TBC1D5: variants seen among roughly 807,000 people sequenced by gnomAD.
TBC1D5 encodes the protein TBC1 domain family member 5, also known as TBC1 domain family, member 5.
A neutral mutation model predicts 100.3 loss-of-function variants in TBC1D5; 75 were observed. That is an observed-to-expected ratio of 0.75 (90% CI 0.62 to 0.91). The LOEUF is 0.91. Ranked by LOEUF, TBC1D5 falls within the 40% of genes least tolerant of loss-of-function variation. TBC1D5 has a pLI of 0.00. For missense variants in TBC1D5, 910 were observed against 942.4 expected (o/e 0.97, Z 0.45); for synonymous variants, 323 against 325.6 (o/e 0.99, Z 0.09).
At chr3:17,584,716 G>T (rs2096721492) in intron 2 of TBC1D5, among the ~76,000 whole-genome samples, 1 of 152,152 alleles carries the variant, frequency 6.6e-6, no homozygotes, top group South Asian at 2.1e-4. Flanking sequence ...GAGTGCAGTG[G>T]CACGATCTCG....
At position 17,547,538 on chromosome 3, in the gene TBC1D5, T is replaced by C. The variant is rs557407250; in HGVS notation, c.-35-38933A>G. Reference sequence around the variant, plus strand: ...AGTCTTAAAATGTAATTTAGCAGAATGTTCCCATTTCTTTCTTTTTCCTAT... The same window carrying C: ...AGTCTTAAAATGTAATTTAGCAGAACGTTCCCATTTCTTTCTTTTTCCTAT... On this transcript the variant is annotated intron_variant, in intron 2 of 21. Transcript: ENST00000253692. Among the ~76,000 whole-genome samples the C allele has an allele frequency of 1.8e-4, 28 of 152,368 alleles. 1 individual carries two copies. Among genetic ancestry groups the C allele is most frequent in the South Asian group, 1.2e-3 (6 of 4,832 alleles).
chr3:17,393,755 G>T (rs527419776), intron 8 of TBC1D5, among the ~76,000 whole-genome samples: 1 of 152,142 alleles, frequency 6.6e-6, no homozygotes, highest in African/African-American at 2.4e-5. Flanking sequence ...TGGTGTTGGG[G>T]AAACTGGCTA....
chr3:17,313,430 C>A (rs1160108043), intron 13 of TBC1D5, among the ~76,000 whole-genome samples: 1 of 152,132 alleles, frequency 6.6e-6, no homozygotes, highest in South Asian at 2.1e-4. Context: ...TGTAAATAGG[C>A]TTTGCTCTAC....
At chr3:17,636,939 G>C (rs1016683863) in intron 1 of TBC1D5, among the ~76,000 whole-genome samples, 3 of 152,118 alleles carry the variant, frequency 2.0e-5, no homozygotes, top group African/African-American at 7.2e-5. Context: ...AAGACAGTAG[G>C]GTTAACTAGA....
At chr3:17,263,509 T>C (rs2078549957) in intron 15 of TBC1D5, among the ~76,000 whole-genome samples, 1 of 152,152 alleles carries the variant, frequency 6.6e-6, no homozygotes, top group Non-Finnish European at 1.5e-5. Flanking sequence ...CTGAAATAAG[T>C]CTTTCACAAG....
chr3:17,401,700 T>C (rs1026567151), intron 8 of TBC1D5, among the ~76,000 whole-genome samples: 4 of 152,102 alleles, frequency 2.6e-5, no homozygotes, highest in Admixed American at 1.3e-4. Flanking sequence ...AGATTAATTA[T>C]AATCCTGCTC....
At chr3:17,659,136 C>A (rs1560397975) in intron 1 of TBC1D5, among the ~76,000 whole-genome samples, 1 of 152,170 alleles carries the variant, frequency 6.6e-6, no homozygotes, top group Non-Finnish European at 1.5e-5. Context: ...ATAATGAGAT[C>A]TACCATTGAG....
At chr3:17,495,087 T>C (rs971073870) in intron 3 of TBC1D5, among the ~76,000 whole-genome samples, 2 of 152,226 alleles carry the variant, frequency 1.3e-5, no homozygotes, top group Non-Finnish European at 2.9e-5. Context: ...CCGTGGGTCA[T>C]GCCAACTGCC....
At chr3:17,583,443 C>T (rs989556847) in intron 2 of TBC1D5, among the ~76,000 whole-genome samples, 20 of 151,642 alleles carry the variant, frequency 1.3e-4, no homozygotes, top group African/African-American at 4.4e-4. Context: ...AAGTGGAACC[C>T]GGCTGGGTGC....
intron 15 of TBC1D5, among the ~76,000 whole-genome samples, chr3:17,261,487 G>T (rs1347033133): frequency 2.6e-5 from 4 of 151,154 alleles, no homozygotes; most frequent in East Asian, 1.9e-4. Flanking sequence ...GGTGGGGTGG[G>T]GGGGGAGACA....
intron 13 of TBC1D5, among the ~76,000 whole-genome samples, chr3:17,365,650 A>G (rs2092068115): frequency 6.6e-6 from 1 of 152,144 alleles, no homozygotes; most frequent in African/African-American, 2.4e-5. Context: ...TAGGCTCTCC[A>G]GGGGCCTTGA....
chr3:17,428,901 G>C (rs1230654879), intron 3 of TBC1D5, among the ~76,000 whole-genome samples: 1 of 151,916 alleles, frequency 6.6e-6, no homozygotes, highest in Non-Finnish European at 1.5e-5. Flanking sequence ...AAGAGAACAG[G>C]CAGAGAGCCG....
chr3:17,391,888 G>A lies in TBC1D5; in HGVS notation c.510-7873C>T, dbSNP rs552252090. Among the ~76,000 whole-genome samples the A allele has an allele frequency of 3.5e-3, 526 of 152,232 alleles. 4 individuals carry two copies. Among genetic ancestry groups the A allele is most frequent in the African/African-American group, 0.012 (498 of 41,542 alleles). ...GAGATATCCAGGCAGAGTACTGAAA[G>A]TATTGTCTGGTTTATTTATGTTACT... On this transcript the variant is annotated intron_variant, in intron 8 of 21. Transcript: ENST00000253692.
intron 3 of TBC1D5, among the ~76,000 whole-genome samples, chr3:17,475,177 C>A (rs1413088507): frequency 6.7e-6 from 1 of 150,262 alleles, no homozygotes; most frequent in Non-Finnish European, 1.5e-5. Flanking sequence ...CTACCTTGCC[C>A]CGCCCCACCC....
At chr3:17,623,110 T>C (rs776737501) in intron 2 of TBC1D5, among the ~76,000 whole-genome samples, 2 of 152,080 alleles carry the variant, frequency 1.3e-5, no homozygotes, top group African/African-American at 4.8e-5. Flanking sequence ...AAAACACACA[T>C]ACACACAGAG....
chr3:17,385,079 C>A (rs2093097065), intron 8 of TBC1D5, among the ~76,000 whole-genome samples: 1 of 152,006 alleles, frequency 6.6e-6, no homozygotes, highest in South Asian at 2.1e-4. Flanking sequence ...TGCATAATTT[C>A]TAGTTATGCA....
At chr3:17,596,700 C>CAAAAAAAAAAAA (rs34625799) in intron 2 of TBC1D5, among the ~76,000 whole-genome samples, 1 of 44,952 alleles carries the variant, frequency 2.2e-5, no homozygotes, top group Non-Finnish European at 4.7e-5. Flanking sequence ...GACTCCATCT[C>CAAAAAAAAAAAA]AAAAAAAAAA....
At chr3:17,643,175 C>T (rs566331616) in intron 1 of TBC1D5, among the ~76,000 whole-genome samples, 2 of 151,878 alleles carry the variant, frequency 1.3e-5, no homozygotes, top group Non-Finnish European at 2.9e-5. Flanking sequence ...AGTGCTAGTC[C>T]GTTATTTTGT....
intron 3 of TBC1D5, among the ~76,000 whole-genome samples, chr3:17,508,016 T>TAA (rs1263074562): frequency 7.0e-6 from 1 of 142,560 alleles, no homozygotes; most frequent in African/African-American, 2.6e-5. Flanking sequence ...TCAATTACTT[T>TAA]AAAAAAAAAA....
Sources: allele counts gnomAD v4.1 joint callset (sites outside exome capture counted in the v4.1 genomes callset), GRCh38; gene constraint gnomAD v4.1.1; transcripts MANE v1.5; gene names NCBI Gene and HGNC (gene_info 2026-07-23, HGNC 2026-07-21).